Variants in TRIM66 observed in about 807,000 individuals in gnomAD.
TRIM66 encodes the protein tripartite motif containing 66.
A neutral mutation model predicts 148.2 loss-of-function variants in TRIM66; 99 were observed. That is an observed-to-expected ratio of 0.67 (90% CI 0.57 to 0.79). The LOEUF (loss-of-function observed/expected upper bound fraction) is 0.79. Among genes scored for constraint, TRIM66 ranks in the 30% least tolerant of loss-of-function variants. The pLI is 0.00. For synonymous variants in TRIM66, 616 were observed against 635.9 expected (o/e 0.97, Z 0.47); for missense variants, 1,666 against 1,697.9 (o/e 0.98, Z 0.33).
At position 8,614,581 on chromosome 11, in the gene TRIM66, T is replaced by A. The variant is rs75602286; in HGVS notation, c.*3363A>T. The A allele has an allele frequency of 6.6e-6, 1 of 152,538 alleles. No homozygotes were observed. The highest frequency in any genetic ancestry group is 6.5e-5 in the Admixed American group (1 of 15,272). The allele number at this position is 152,538 out of a possible 1,614,324, so 9.4% of individuals were successfully genotyped here. A position where few individuals can be genotyped will look rare whatever the true frequency, so the allele number is the denominator to read the frequency against. On this transcript the variant is annotated 3_prime_UTR_variant, in exon 25 of 25. Transcript: ENST00000646038. The stretch of plus-strand genomic sequence containing the variant: ...GATGGAGAAGAAGCCCAGGAAGGGG[T>A]GATCCAGAAGGAGCAAAGGCTCAAT...
chr11:8,672,399 T>G lies in TRIM66; in HGVS notation c.-111-14A>C. On this transcript the variant is annotated splice_polypyrimidine_tract_variant and intron_variant, in intron 4 of 24. Coordinates refer to ENST00000646038, the MANE Select transcript of TRIM66 (RefSeq NM_001388022.1). The stretch of plus-strand genomic sequence containing the variant: ...GACAAGCTTGACCTAAGTTTCAATT[T>G]TGGAAAAAGGAAGAAAATTGCATTA... The G allele has an allele frequency of 6.7e-7, 1 of 1,489,468 alleles. No homozygotes were observed. Among genetic ancestry groups the G allele is most frequent in the East Asian group, 2.5e-5 (1 of 40,518 alleles). 92.3% of individuals were successfully genotyped at this position (1,489,468 alleles called of 1,614,324 possible).
chr11:8,678,926 G>A (rs1315165872), intron 3 of TRIM66, among the ~76,000 whole-genome samples: 2 of 152,184 alleles, frequency 1.3e-5, no homozygotes, highest in African/African-American at 4.8e-5. Flanking sequence ...ACACTTGCCT[G>A]CCTCACCAGG....
chr11:8,622,382 A>ATATATATC (rs1565477428), intron 18 of TRIM66, among the ~76,000 whole-genome samples: 2 of 130,416 alleles, frequency 1.5e-5, no homozygotes, highest in Non-Finnish European at 3.3e-5. Context: ...ATATATATAT[A>ATATATATC]TCTCCTACTT....
chr11:8,663,936 C>T (rs994123850), intron 6 of TRIM66, among the ~76,000 whole-genome samples: 3 of 152,006 alleles, frequency 2.0e-5, no homozygotes, highest in Non-Finnish European at 2.9e-5. Flanking sequence ...CTCATAAAAG[C>T]GGAGAGTAAA....
chr11:8,682,700 G>C (rs2039502773), upstream of TRIM66: 8 of 1,277,820 alleles, frequency 6.3e-6, no homozygotes, highest in African/African-American at 1.0e-4. Flanking sequence ...AGACCAGGAG[G>C]CCCCGCCCGA....
chr11:8,645,368 T>C (rs1041610713), intron 12 of TRIM66, among the ~76,000 whole-genome samples: 3 of 152,170 alleles, frequency 2.0e-5, no homozygotes, highest in African/African-American at 4.8e-5. Context: ...ACTCCTTTTC[T>C]CTCAGACCCC....
intron 6 of TRIM66, among the ~76,000 whole-genome samples, chr11:8,656,720 G>A (rs564390990): frequency 2.0e-5 from 3 of 152,324 alleles, no homozygotes; most frequent in African/African-American, 7.2e-5. Flanking sequence ...ACCTTAGAGA[G>A]AGCATCCCCT....
chr11:8,655,784 A>G (rs1389942317), intron 6 of TRIM66, among the ~76,000 whole-genome samples: 2 of 152,034 alleles, frequency 1.3e-5, no homozygotes, highest in African/African-American at 4.8e-5. Flanking sequence ...TCTGTCTCCA[A>G]AAAAAATTAA....
In TRIM66 at chr11:8,647,612, A is replaced by G. The variant is rs116286752; in HGVS notation, c.842+358T>C. ...CACAGGGAAAGGGGTGATAAAGCAC[A>G]GATTGCCCCTGGTTTGTTCCACCCT... On this transcript the variant is annotated intron_variant, in intron 10 of 24. Coordinates refer to ENST00000646038, the MANE Select transcript of TRIM66 (RefSeq NM_001388022.1). Among the ~76,000 whole-genome samples the G allele has an allele frequency of 6.2e-3, 946 of 152,356 alleles. 10 individuals carry two copies. The highest frequency in any genetic ancestry group is 0.022 in the African/African-American group (909 of 41,588).
At chr11:8,644,671 T>G (rs1365280858) in intron 12 of TRIM66, among the ~76,000 whole-genome samples, 1 of 152,200 alleles carries the variant, frequency 6.6e-6, no homozygotes, top group African/African-American at 2.4e-5. Context: ...TATACATGTG[T>G]GCAAATGTTT....
At chr11:8,659,900 C>T (rs1269100190) in intron 6 of TRIM66, among the ~76,000 whole-genome samples, 2 of 152,086 alleles carry the variant, frequency 1.3e-5, no homozygotes, top group African/African-American at 4.8e-5. Flanking sequence ...TGTTTTGAGA[C>T]AGTGTTTCAT....
chr11:8,649,587 C>T (rs1385203307), intron 8 of TRIM66, among the ~76,000 whole-genome samples, 153 bp downstream of exon 8: 1 of 152,184 alleles, frequency 6.6e-6, no homozygotes, highest in Non-Finnish European at 1.5e-5. Context: ...ACCCCTTTGA[C>T]TCTGAAGGAG....
At chr11:8,642,714 C>T (rs576008428) in intron 13 of TRIM66, among the ~76,000 whole-genome samples, 1 of 151,756 alleles carries the variant, frequency 6.6e-6, no homozygotes, top group Admixed American at 6.6e-5. Context: ...TGTCTTGTCT[C>T]CTCCTCAGCA....
Position 8,612,630 on chromosome 11 carries a change from G to A in TRIM66, c.*5314C>T, listed in dbSNP as rs537152303. 2.6e-5 allele frequency: 4 copies of A among 152,368 alleles called. No homozygotes were observed. In the South Asian group the frequency reaches 8.3e-4, roughly 32 times the overall value. 9.4% of individuals were successfully genotyped at this position (152,368 alleles called of 1,614,324 possible). A position where few individuals can be genotyped will look rare whatever the true frequency, so the allele number is the denominator to read the frequency against. The stretch of plus-strand genomic sequence containing the variant: ...GAAACAACTGGAGCAAGCAGGTGGT[G>A]GTGATCAGCACAGGTGGGAAAGGCC... On this transcript the variant is annotated 3_prime_UTR_variant, in exon 25 of 25. Transcript: ENST00000646038.
intron 3 of TRIM66, chr11:8,679,208 A>T (rs993668241): frequency 4.6e-5 from 7 of 152,212 alleles, no homozygotes; most frequent in African/African-American, 1.7e-4. Flanking sequence ...GACCTCTGTC[A>T]ACCTAGGAAA....
At chr11:8,650,328 G>A (rs1304678480) in intron 7 of TRIM66, among the ~76,000 whole-genome samples, 3 of 151,996 alleles carry the variant, frequency 2.0e-5, no homozygotes, top group South Asian at 2.1e-4. Context: ...AGCCAAGATC[G>A]TACCACTACA....
In TRIM66 at chr11:8,621,101, A is replaced by C; in HGVS notation, c.3476T>G (p.Leu1159Arg). 6.4e-7 allele frequency: 1 copy of C among 1,551,762 alleles called. No homozygotes were observed. The highest frequency in any genetic ancestry group is 1.2e-5 in the South Asian group (1 of 84,066). Residue 1159 changes from leucine (L) to arginine (R), a missense_variant, in exon 20 of 25, where the codon CTG (leucine) becomes CGG (arginine). By Grantham distance (102) the Leu-to-Arg change is moderately radical. Around this residue, in one of 3 missense-constraint regions of TRIM66, gnomAD observed 1,431 missense variants for 1,412.4 expected, o/e 1.01. Coordinates refer to ENST00000646038, the MANE Select transcript of TRIM66 (RefSeq NM_001388022.1). ...CAVCLNGGEL[L>R]CCDRCPKVFH... ...CACTTTGGGGCAGCGGTCACAGCAC[A>C]GTAACTCTCCGCCATTGAGGCAAAC...
chr11:8,628,932 CTT>C (rs2035133176), intron 15 of TRIM66, among the ~76,000 whole-genome samples: 1 of 152,104 alleles, frequency 6.6e-6, no homozygotes, highest in African/African-American at 2.4e-5. Context: ...AGTTAAATAT[CTT>C]TTATCTCTCC....
Position 8,619,542 on chromosome 11 carries a change from G to C in TRIM66, c.3748-7C>G. Reference sequence around the variant, plus strand: ...TCTGGTAATAATGCCGGGCCTTGGGGGAGGAGACATGAGGAGAAGGAGGCA... The same window carrying C: ...TCTGGTAATAATGCCGGGCCTTGGGCGAGGAGACATGAGGAGAAGGAGGCA... On this transcript the variant is annotated splice_region_variant and splice_polypyrimidine_tract_variant and intron_variant, in intron 22 of 24. Transcript: ENST00000646038. 6.5e-7 allele frequency: 1 copy of C among 1,532,276 alleles called. No homozygotes were observed. Among genetic ancestry groups the C allele is most frequent in the Non-Finnish European group, 8.8e-7 (1 of 1,139,166 alleles). 94.9% of individuals were successfully genotyped at this position (1,532,276 alleles called of 1,614,324 possible).
Sources: allele counts gnomAD v4.1 joint callset (sites outside exome capture counted in the v4.1 genomes callset), GRCh38; gene constraint gnomAD v4.1.1; regional missense constraint gnomAD v4.1.1; transcripts MANE v1.5; gene names NCBI Gene and HGNC (gene_info 2026-07-23, HGNC 2026-07-21).